EHBP1: variants seen among roughly 807,000 people sequenced by gnomAD.
The protein encoded by EHBP1 is EH domain-binding protein 1.
EHBP1 carries 55 observed loss-of-function variants against 144.0 expected under a neutral mutation model. That is an observed-to-expected ratio of 0.38 (90% CI 0.31 to 0.48). EHBP1 has a LOEUF of 0.48. EHBP1 is among the 20% of genes least tolerant of loss of function. EHBP1 has a pLI of 0.98. For missense variants in EHBP1, 1,200 were observed against 1,364.2 expected, an observed-to-expected ratio of 0.88 and a Z score of 1.90; for synonymous variants, 469 against 472.7, an observed-to-expected ratio of 0.99 and a Z score of 0.10.
At chr2:62,802,973 C>T (rs923202958) in intron 5 of EHBP1, among the ~76,000 whole-genome samples, 3 of 152,172 alleles carry the variant, frequency 2.0e-5, no homozygotes, top group African/African-American at 4.8e-5. Flanking sequence ...GATCCGCCCA[C>T]GTTGGCCTCC....
At chr2:62,838,587 C>A (rs1284480991) in intron 7 of EHBP1, among the ~76,000 whole-genome samples, 3 of 151,744 alleles carry the variant, frequency 2.0e-5, no homozygotes, top group Non-Finnish European at 4.4e-5. Flanking sequence ...AATTGATAGA[C>A]CACTAGCAAG....
chr2:62,782,148 G>T (rs2042467814), intron 5 of EHBP1, among the ~76,000 whole-genome samples: 1 of 152,156 alleles, frequency 6.6e-6, no homozygotes, highest in South Asian at 2.1e-4. Flanking sequence ...TAGATTTAGA[G>T]CCTAGTGCTA....
intron 5 of EHBP1, among the ~76,000 whole-genome samples, chr2:62,781,233 A>G (rs1344843951): frequency 1.3e-5 from 2 of 152,128 alleles, no homozygotes; most frequent in Non-Finnish European, 2.9e-5. Flanking sequence ...ATTGAAAGTG[A>G]TATATAAATT....
chr2:62,847,942 A>C (rs1486435889), intron 7 of EHBP1, among the ~76,000 whole-genome samples: 2 of 152,162 alleles, frequency 1.3e-5, no homozygotes, highest in African/African-American at 4.8e-5. Flanking sequence ...TCACAGAGAG[A>C]TACAACTCTA....
At chr2:62,912,127 A>G (rs1036817561) in intron 10 of EHBP1, among the ~76,000 whole-genome samples, 1 of 152,186 alleles carries the variant, frequency 6.6e-6, no homozygotes, top group Non-Finnish European at 1.5e-5. Context: ...CAAAAAAACC[A>G]TCTCTATGAG....
intron 10 of EHBP1, among the ~76,000 whole-genome samples, chr2:62,903,347 C>T (rs2053557382): frequency 6.6e-6 from 1 of 151,920 alleles, no homozygotes; most frequent in Admixed American, 6.6e-5. Context: ...CCTATAATGC[C>T]TATAGTTCTA....
At chr2:62,789,303 G>A (rs2043020468) in intron 5 of EHBP1, among the ~76,000 whole-genome samples, 1 of 152,140 alleles carries the variant, frequency 6.6e-6, no homozygotes, top group South Asian at 2.1e-4. Flanking sequence ...TCCTAACTTG[G>A]TAAAATATTA....
intron 5 of EHBP1, among the ~76,000 whole-genome samples, chr2:62,818,683 A>G (rs2045631055): frequency 6.6e-6 from 1 of 152,224 alleles, no homozygotes; most frequent in Non-Finnish European, 1.5e-5. Context: ...AATGATAAAG[A>G]TGGCAGAAAC....
intron 10 of EHBP1, among the ~76,000 whole-genome samples, chr2:62,877,324 C>T (rs1353883259): frequency 6.6e-6 from 1 of 152,180 alleles, no homozygotes; most frequent in Non-Finnish European, 1.5e-5. Flanking sequence ...AAATAATATG[C>T]ACCCAACACT....
chr2:63,007,307 G>C (rs2060080933), intron 19 of EHBP1, among the ~76,000 whole-genome samples: 1 of 151,760 alleles, frequency 6.6e-6, no homozygotes, highest in African/African-American at 2.4e-5. Context: ...TTTTGTTTTA[G>C]TTTTAGTTGT....
chr2:62,788,884 C>T, intron 5 of EHBP1, among the ~76,000 whole-genome samples: 1 of 152,178 alleles, frequency 6.6e-6, no homozygotes, highest in East Asian at 1.9e-4. Flanking sequence ...CGCCACTCAT[C>T]TGTGCATGAA....
intron 2 of EHBP1, among the ~76,000 whole-genome samples, chr2:62,727,854 A>G (rs1253799615): frequency 2.0e-5 from 3 of 152,144 alleles, no homozygotes; most frequent in Admixed American, 2.0e-4. Context: ...CAAGGCTGTT[A>G]TTTTGGGGCT....
At chr2:62,744,602 A>G (rs1272120463) in intron 2 of EHBP1, among the ~76,000 whole-genome samples, 2 of 152,130 alleles carry the variant, frequency 1.3e-5, no homozygotes, top group African/African-American at 4.8e-5. Flanking sequence ...TTAAAATCAC[A>G]AAAATGTTTA....
At chr2:63,043,920 CTTTTTTTTTTTTTTTTTTTTTTTTTTTT>C (rs70962802) in intron 21 of EHBP1, 11 of 9,404 alleles carry the variant, frequency 1.2e-3, no homozygotes, top group Non-Finnish European at 1.0e-3. Flanking sequence ...GGCCATGGTT[CTTTTTTTTTTTTTTTTTTTTTTTTTTTT>C]TTTTTTTTTT....
chr2:62,909,970 G>A (rs2054090684), intron 10 of EHBP1, among the ~76,000 whole-genome samples: 1 of 152,032 alleles, frequency 6.6e-6, no homozygotes, highest in Non-Finnish European at 1.5e-5. Flanking sequence ...TGTTGGCCAG[G>A]TCTTGAACTC....
chr2:62,871,441 T>G (rs1339581998), intron 9 of EHBP1, among the ~76,000 whole-genome samples: 1 of 152,230 alleles, frequency 6.6e-6, no homozygotes, highest in African/African-American at 2.4e-5. Flanking sequence ...ATACTCTAGC[T>G]TCTTTATTTT....
At chr2:62,729,406 A>G (rs55729328) in intron 2 of EHBP1, among the ~76,000 whole-genome samples, 2 of 115,614 alleles carry the variant, frequency 1.7e-5, no homozygotes, top group African/African-American at 6.8e-5. Context: ...TATATAATAA[A>G]TATAATAATA....
At chr2:62,749,217 T>G (rs1487731982) in intron 3 of EHBP1, among the ~76,000 whole-genome samples, 1 of 152,136 alleles carries the variant, frequency 6.6e-6, no homozygotes, top group Non-Finnish European at 1.5e-5. Context: ...TTCCCACTTA[T>G]GAGTGAGAAC....
At chr2:62,902,534 G>A (rs1467893903) in intron 10 of EHBP1, among the ~76,000 whole-genome samples, 1 of 151,592 alleles carries the variant, frequency 6.6e-6, no homozygotes, top group Non-Finnish European at 1.5e-5. Context: ...ATATATACAT[G>A]CATTTTCAAA....
Sources: allele counts gnomAD v4.1 joint callset (sites outside exome capture counted in the v4.1 genomes callset), GRCh38; gene constraint gnomAD v4.1.1; transcripts MANE v1.5; gene names NCBI Gene and HGNC (gene_info 2026-07-23, HGNC 2026-07-21).